NDUFAF6: variants seen among roughly 807,000 people sequenced by gnomAD.
NDUFAF6 encodes NADH dehydrogenase (ubiquinone) complex I, assembly factor 6.
A neutral mutation model predicts 40.8 loss-of-function variants in NDUFAF6; 45 were observed. The ratio of observed to expected loss-of-function variants is 1.10; its 90% confidence interval spans 0.87 to 1.42. The LOEUF (loss-of-function observed/expected upper bound fraction) is 1.42. Ranked by LOEUF, NDUFAF6 falls within the 40% of genes most tolerant of loss-of-function variation. NDUFAF6 has a pLI of 0.00. For synonymous variants in NDUFAF6, 185 were observed against 155.9 expected (o/e 1.19, Z -1.39); for missense variants, 435 against 418.5 (o/e 1.04, Z -0.34).
downstream of NDUFAF6, among the ~76,000 whole-genome samples, chr8:95,107,479 A>C (rs1975425): frequency 9.9e-5 from 15 of 152,096 alleles, no homozygotes; most frequent in East Asian, 2.3e-3. Flanking sequence ...GGCCTGTCGG[A>C]GGGGTAGGAG....
chr8:94,980,018 A>G (rs1825283889), intron 1 of NDUFAF6, among the ~76,000 whole-genome samples: 1 of 151,924 alleles, frequency 6.6e-6, no homozygotes, highest in African/African-American at 2.4e-5. Context: ...AATCACTTGA[A>G]CTAGGAAGGC....
At chr8:94,965,627 G>A (rs1823952426) in intron 1 of NDUFAF6, among the ~76,000 whole-genome samples, 1 of 152,222 alleles carries the variant, frequency 6.6e-6, no homozygotes, top group African/African-American at 2.4e-5. Flanking sequence ...GGAAAGCGAG[G>A]TCACGGTTCT....
At chr8:95,100,215 A>T (rs1809608512), upstream of NDUFAF6, among the ~76,000 whole-genome samples, 1 of 151,900 alleles carries the variant, frequency 6.6e-6, no homozygotes, top group Non-Finnish European at 1.5e-5. Context: ...ACCCGTAAGA[A>T]TTAGGTTTTA....
At chr8:95,047,571 G>A (rs1182086964) in intron 6 of NDUFAF6, among the ~76,000 whole-genome samples, 43 of 146,908 alleles carry the variant, frequency 2.9e-4, no homozygotes, top group Non-Finnish European at 6.0e-4. Flanking sequence ...GTGCAGTGGC[G>A]TGATCTCGGC....
At chr8:95,033,245 A>G (rs561935628) in intron 2 of NDUFAF6, among the ~76,000 whole-genome samples, 4 of 152,060 alleles carry the variant, frequency 2.6e-5, no homozygotes, top group South Asian at 4.2e-4. Context: ...GAGTCTTGCT[A>G]TGTTGCCCAG....
chr8:94,911,765 C>T (rs1360921943), intron 1 of NDUFAF6, among the ~76,000 whole-genome samples: 1 of 152,192 alleles, frequency 6.6e-6, no homozygotes, highest in African/African-American at 2.4e-5. Context: ...ATCATTTATT[C>T]TTAATTTAGA....
chr8:95,019,772 G>A (rs189900469), intron 2 of NDUFAF6, among the ~76,000 whole-genome samples: 2 of 152,270 alleles, frequency 1.3e-5, no homozygotes, highest in Non-Finnish European at 2.9e-5. Flanking sequence ...ATTTGACATT[G>A]GCTAATTTTG....
intron 1 of NDUFAF6, among the ~76,000 whole-genome samples, chr8:94,910,445 G>A (rs1222269147): frequency 2.0e-5 from 3 of 152,194 alleles, no homozygotes; most frequent in Non-Finnish European, 4.4e-5. Flanking sequence ...GAGCCACCGC[G>A]CCTGGCCTGA....
At chr8:94,961,042 A>G (rs562262001) in intron 1 of NDUFAF6, among the ~76,000 whole-genome samples, 57 of 152,382 alleles carry the variant, frequency 3.7e-4, no homozygotes, top group African/African-American at 1.3e-3. Context: ...ATTATATGCA[A>G]TAATCTCTGA....
chr8:94,946,434 CTCA>C (rs1821996144), intron 2 of NDUFAF6, among the ~76,000 whole-genome samples: 2 of 151,900 alleles, frequency 1.3e-5, no homozygotes, highest in South Asian at 4.2e-4. Context: ...GGCGCAGTGG[CTCA>C]TGTCTATAAT....
chr8:94,910,212 G>T (rs889674919), intron 1 of NDUFAF6, among the ~76,000 whole-genome samples: 1 of 152,058 alleles, frequency 6.6e-6, no homozygotes, highest in African/African-American at 2.4e-5. Context: ...TAGTACAGTG[G>T]CACAAGCTTG....
chr8:95,089,995 C>T (rs1421376912), intron 2 of NDUFAF6, among the ~76,000 whole-genome samples: 2 of 152,190 alleles, frequency 1.3e-5, no homozygotes, highest in African/African-American at 4.8e-5. Context: ...ACCCCAGGTC[C>T]TTCCAAGCCC....
chr8:95,101,388 C>A (rs565884049), intron 2 of NDUFAF6, among the ~76,000 whole-genome samples: 1 of 152,190 alleles, frequency 6.6e-6, no homozygotes, highest in Non-Finnish European at 1.5e-5. Context: ...CCAATGCAAT[C>A]ACCTCTTCCA....
At chr8:95,057,312 G>A (rs772361300) in intron 8 of NDUFAF6, among the ~76,000 whole-genome samples, 10 of 152,204 alleles carry the variant, frequency 6.6e-5, no homozygotes, top group Non-Finnish European at 1.3e-4. Context: ...GGTGGGGAAA[G>A]GATGGGGTGA....
At chr8:95,113,349 C>T (rs1036691358) in intron 4 of NDUFAF6, among the ~76,000 whole-genome samples, 4 of 152,174 alleles carry the variant, frequency 2.6e-5, no homozygotes, top group African/African-American at 7.2e-5. Context: ...ATCATTCAGT[C>T]CCCACTGGAG....
At chr8:95,064,263 C>T (rs967533864) in intron 9 of NDUFAF6, among the ~76,000 whole-genome samples, 10 of 151,910 alleles carry the variant, frequency 6.6e-5, no homozygotes, top group African/African-American at 1.5e-4. Flanking sequence ...AACATAAAGA[C>T]GCTGCCTGCA....
intron 1 of NDUFAF6, chr8:94,940,180 C>CT (rs749928676): frequency 6.2e-7 from 1 of 1,609,300 alleles, no homozygotes; most frequent in East Asian, 2.2e-5. Flanking sequence ...TGATGTCCTC[C>CT]TCTTCTTCTT....
At chr8:95,022,312 G>A (rs893659809), upstream of NDUFAF6, among the ~76,000 whole-genome samples, 2 of 151,372 alleles carry the variant, frequency 1.3e-5, no homozygotes, top group Admixed American at 6.6e-5. Context: ...CAGGAAGACC[G>A]GGGAAGAGAA....
chr8:95,108,450 G>A (rs1364651602), downstream of NDUFAF6, among the ~76,000 whole-genome samples: 4 of 152,142 alleles, frequency 2.6e-5, no homozygotes, highest in Non-Finnish European at 4.4e-5. Flanking sequence ...AAATAAGCCA[G>A]ATACAAAAGG....
Sources: gnomAD v4.1 joint callset for allele counts (sites outside exome capture counted in the v4.1 genomes callset) on GRCh38, gnomAD v4.1.1 for gene constraint, MANE v1.5 for transcripts, NCBI Gene and HGNC (gene_info 2026-07-23, HGNC 2026-07-21) for gene names.